The following HMCES variants were observed in gnomAD, a reference collection of about 807,000 sequenced individuals.
The protein encoded by HMCES is 5-hydroxymethylcytosine binding, ES cell specific, also known as abasic site processing protein HMCES.
A neutral mutation model predicts 35.1 loss-of-function variants in HMCES; 27 were observed. The observed-to-expected ratio is 0.77, with a 90% CI of 0.57 to 1.06. The LOEUF is 1.06. HMCES is among the 50% of genes least tolerant of loss of function. The pLI is 0.00. For missense variants in HMCES, 391 were observed against 430.4 expected, an observed-to-expected ratio of 0.91 and a Z score of 0.81; for synonymous variants, 130 against 154.7, an observed-to-expected ratio of 0.84 and a Z score of 1.18.
intron 5 of HMCES, among the ~76,000 whole-genome samples, chr3:129,301,620 G>A (rs1398098236): frequency 2.6e-5 from 4 of 152,184 alleles, no homozygotes; most frequent in Admixed American, 1.3e-4. Flanking sequence ...TGATAGACAA[G>A]TTTTCAAGAT....
Position 129,305,424 on chromosome 3 carries a change from A to T in HMCES, c.*599A>T, listed in dbSNP as rs1471439482. ...ATGGGGGCTTTCTGAGGAAATAACT[A>T]CAAGTCTTGGTGGTGGGCTCCTTAT... On this transcript the variant is annotated 3_prime_UTR_variant, in exon 7 of 7. Coordinates refer to ENST00000383463, the MANE Select transcript of HMCES (RefSeq NM_020187.3). The T allele has an allele frequency of 2.0e-5, 3 of 151,258 alleles. No homozygotes were observed. The highest frequency in any genetic ancestry group is 7.3e-5 in the African/African-American group (3 of 41,166). The allele number at this position is 151,258 out of a possible 1,614,324, so 9.4% of individuals were successfully genotyped here. A position where few individuals can be genotyped will look rare whatever the true frequency, so the allele number is the denominator to read the frequency against.
chr3:129,301,224 T>C (rs1033209191), intron 5 of HMCES, among the ~76,000 whole-genome samples: 2 of 123,112 alleles, frequency 1.6e-5, no homozygotes, highest in Non-Finnish European at 3.3e-5. Context: ...AAAAAAAAAA[T>C]ATGCTTTCAT....
chr3:129,290,832 A>T, intron 4 of HMCES, 28 bp downstream of exon 4: 2 of 1,598,570 alleles, frequency 1.3e-6, no homozygotes, highest in Non-Finnish European at 1.7e-6. Flanking sequence ...CACAATATAT[A>T]TTTGGAAAGG....
At chr3:129,292,201 A>C (rs1208100268) in intron 4 of HMCES, among the ~76,000 whole-genome samples, 1 of 152,198 alleles carries the variant, frequency 6.6e-6, no homozygotes, top group African/African-American at 2.4e-5. Context: ...TAGATTATTT[A>C]GTCTGACACT....
chr3:129,298,030 T>G (rs1003531146), intron 4 of HMCES, among the ~76,000 whole-genome samples: 2 of 152,204 alleles, frequency 1.3e-5, no homozygotes, highest in African/African-American at 4.8e-5. Context: ...AGCATGAAAT[T>G]GCATGAGAGC....
chr3:129,279,644 G>A lies in HMCES; in HGVS notation c.-23-66G>A. ...TGTGGGAACGGAAAGAGAAGGCGGG[G>A]ACTCAAGGAATAAGACCTAATATTT... On this transcript the variant is annotated intron_variant, in intron 1 of 6. Coordinates refer to ENST00000383463, the MANE Select transcript of HMCES (RefSeq NM_020187.3). The surrounding 1 kb of genome is among the most constrained non-coding windows in gnomAD (Gnocchi z 4.2). 1 of 1,462,650 alleles carries A rather than the reference G, an allele frequency of 6.8e-7. No homozygotes were observed. The highest frequency in any genetic ancestry group is 9.3e-7 in the Non-Finnish European group (1 of 1,071,462). 90.6% of individuals were successfully genotyped at this position (1,462,650 alleles called of 1,614,324 possible).
Position 129,295,446 on chromosome 3 carries a change from CAAAA to C in HMCES, c.454-2903_454-2900del, listed in dbSNP as rs569218866. Among the ~76,000 whole-genome samples the C allele has an allele frequency of 2.7e-5, 4 of 145,888 alleles. No homozygotes were observed. In the East Asian group the frequency reaches 7.9e-4, roughly 29 times the overall value. Reference sequence around the variant, plus strand: ...AGTGAGACTCTATCAAAAAAAAAAACAAAAAAAACCCCACAAAATGTTGTGCAGC... The same window carrying C: ...AGTGAGACTCTATCAAAAAAAAAAACAAAACCCCACAAAATGTTGTGCAGC... On this transcript the variant is annotated intron_variant, in intron 4 of 6. Coordinates refer to ENST00000383463, the MANE Select transcript of HMCES (RefSeq NM_020187.3).
chr3:129,279,792 C>A lies in HMCES; in HGVS notation c.60C>A (p.Tyr20Ter). ...PRDVLTRACA[Y>*]QDRRGQQRLP... The stretch of plus-strand genomic sequence containing the variant: ...ATGTTCTCACGAGAGCTTGCGCCTA[C>A]CAGGATCGGCGGGGCCAGCAGCGGC... The change falls in exon 2 of 7, where the codon TAC (tyrosine) becomes TAA (stop). Residue 20 changes from tyrosine to a stop codon, truncating the protein, a stop_gained. Coordinates refer to ENST00000383463, the MANE Select transcript of HMCES (RefSeq NM_020187.3). LOFTEE classifies it high-confidence loss of function. The surrounding 1 kb of genome is among the most constrained non-coding windows in gnomAD (Gnocchi z 4.2). The A allele has an allele frequency of 1.2e-6, 2 of 1,613,922 alleles. No homozygotes were observed. The highest frequency in any genetic ancestry group is 1.3e-5 in the African/African-American group (1 of 75,034).
chr3:129,295,722 T>G (rs62266900), intron 4 of HMCES, among the ~76,000 whole-genome samples: 28,933 of 152,134 alleles, frequency 0.19, 4,166 homozygotes, highest in African/African-American at 0.4. Flanking sequence ...TTCTTTTGTA[T>G]GTAATGCATA....
chr3:129,305,021 C>T lies in HMCES; in HGVS notation c.*196C>T, dbSNP rs577181859. On this transcript the variant is annotated 3_prime_UTR_variant, in exon 7 of 7. Transcript: ENST00000383463. ...TGGTGGACAGCTTTGGAAGAGGTGT[C>T]CTGCTGCTGTTACCAGCCATGTGGG... 1.8e-4 allele frequency: 105 copies of T among 592,398 alleles called. 2 individuals are homozygous for T. The South Asian group carries it at 1.9e-3, about 11-fold the overall frequency. 36.7% of individuals were successfully genotyped at this position (592,398 alleles called of 1,614,324 possible).
intron 6 of HMCES, 27 bp from the exon 7 acceptor site, chr3:129,304,562 G>A (rs757155780): frequency 1.8e-5 from 28 of 1,596,932 alleles, no homozygotes; most frequent in African/African-American, 6.7e-5. Context: ...GAGCTGTATG[G>A]TTTGAGCTTT....
At position 129,279,418 on chromosome 3, in the gene HMCES, T is replaced by A. The variant is rs1940398140; in HGVS notation, c.-23-292T>A. Among the ~76,000 whole-genome samples, 2 of 152,188 alleles carry A rather than the reference T, an allele frequency of 1.3e-5. No individual in the cohort carries two copies. The highest frequency in any genetic ancestry group is 1.3e-4 in the Admixed American group (2 of 15,282). ...CCCCAGCTAGCTGCGCTTGCCCTGC[T>A]TCGCTGGACTGTGAAGCCCCCTCCG... is the stretch of plus-strand genomic sequence containing the variant. On this transcript the variant is annotated intron_variant, in intron 1 of 6. Coordinates refer to ENST00000383463, the MANE Select transcript of HMCES (RefSeq NM_020187.3). The surrounding 1 kb of genome is among the most constrained non-coding windows in gnomAD (Gnocchi z 4.2).
intron 2 of HMCES, among the ~76,000 whole-genome samples, chr3:129,280,667 CT>C (rs1940449249): frequency 1.3e-5 from 2 of 152,012 alleles, no homozygotes; most frequent in African/African-American, 2.4e-5. Context: ...TGTTTTCAAT[CT>C]TTTTGTGTTT....
intron 2 of HMCES, 31 bp from the exon 3 acceptor site, chr3:129,288,823 A>G: frequency 7.0e-7 from 1 of 1,431,604 alleles, no homozygotes; most frequent in Non-Finnish European, 9.4e-7. Flanking sequence ...TTTCATTATG[A>G]TCTCCTCACT....
chr3:129,301,677 A>G (rs60113705), intron 5 of HMCES, among the ~76,000 whole-genome samples: 18,750 of 152,134 alleles, frequency 0.12, 1,304 homozygotes, highest in Middle Eastern at 0.23. Flanking sequence ...AAGTTTACCA[A>G]TTTACTAGAG....
chr3:129,304,518 TC>T (rs1338213001), intron 6 of HMCES, 70 bp from the exon 7 acceptor site: 1 of 1,326,532 alleles, frequency 7.5e-7, no homozygotes, highest in Non-Finnish European at 1.1e-6. Flanking sequence ...TTCCCCTGTT[TC>T]TTCCCTTGGA....
In HMCES at chr3:129,299,625, T is replaced by C. The variant is rs189713670; in HGVS notation, c.635+1090T>C. On this transcript the variant is annotated intron_variant, in intron 5 of 6. Coordinates refer to ENST00000383463, the MANE Select transcript of HMCES (RefSeq NM_020187.3). ...TATATAGGCCTTATTTATATATTTT[T>C]TGTATGAACCTTATAGGTGCTTCTT... Among the ~76,000 whole-genome samples, 9 of 151,768 alleles carry C rather than the reference T, an allele frequency of 5.9e-5. No homozygotes were observed. In the East Asian group the frequency reaches 1.7e-3, roughly 29 times the overall value.
intron 4 of HMCES, among the ~76,000 whole-genome samples, chr3:129,295,108 G>A (rs929808822): frequency 8.1e-5 from 12 of 147,488 alleles, no homozygotes; most frequent in Non-Finnish European, 1.0e-4. Context: ...GCAGTGAACC[G>A]AGATGGCGCC....
At chr3:129,299,648 CTT>C (rs34382705) in intron 5 of HMCES, among the ~76,000 whole-genome samples, 8,122 of 109,740 alleles carry the variant, frequency 0.074, 419 homozygotes, top group African/African-American at 0.26. Flanking sequence ...ATAGGTGCTT[CTT>C]TTTTTTTTTT....
Sources: allele counts gnomAD v4.1 joint callset (sites outside exome capture counted in the v4.1 genomes callset), GRCh38; gene constraint gnomAD v4.1.1; non-coding constraint Gnocchi (gnomAD v3.1); transcripts MANE v1.5; gene names NCBI Gene and HGNC (gene_info 2026-07-23, HGNC 2026-07-21).